Variants in PARD3B observed in about 807,000 individuals in gnomAD.
PARD3B encodes the protein par-3 family cell polarity regulator beta.
PARD3B carries 103 observed loss-of-function variants against 130.2 expected under a neutral mutation model. That is an observed-to-expected ratio of 0.79 (90% CI 0.67 to 0.93). The LOEUF (loss-of-function observed/expected upper bound fraction) is 0.93. Ranked by LOEUF, PARD3B falls within the 40% of genes least tolerant of loss-of-function variation. PARD3B has a pLI of 0.00. For missense variants in PARD3B, 1,609 were observed against 1,499.2 expected (o/e 1.07, Z -1.21); for synonymous variants, 583 against 553.2 (o/e 1.05, Z -0.76).
At chr2:204,590,905 C>T (rs1374658819) in intron 1 of PARD3B, among the ~76,000 whole-genome samples, 1 of 152,102 alleles carries the variant, frequency 6.6e-6, no homozygotes, top group Non-Finnish European at 1.5e-5. Flanking sequence ...GTATATACAA[C>T]ATAGATAGGG....
intron 15 of PARD3B, among the ~76,000 whole-genome samples, chr2:205,201,300 C>CATCA (rs749685786): frequency 1.3e-5 from 2 of 148,418 alleles, no homozygotes; most frequent in African/African-American, 2.5e-5. Context: ...TCAGAAGATA[C>CATCA]ATCACATTTA....
intron 16 of PARD3B, among the ~76,000 whole-genome samples, chr2:205,297,552 AG>A (rs1176433833): frequency 6.6e-6 from 1 of 152,136 alleles, no homozygotes; most frequent in Non-Finnish European, 1.5e-5. Context: ...CTTCTGTAGG[AG>A]CCCTCAAACA....
rs528663272 is a variant in PARD3B, at chr2:205,399,602, G to A, written c.2631-1411G>A. On this transcript the variant is annotated intron_variant, in intron 18 of 22. Coordinates refer to ENST00000406610, the MANE Select transcript of PARD3B (RefSeq NM_001302769.2). The stretch of plus-strand genomic sequence containing the variant: ...ACTCCTGACCTCAGGTGATCCACCT[G>A]CCTTGGCCTCCCAAAGTGCTGGGAT... Among the ~76,000 whole-genome samples, 5 of 152,226 alleles carry A rather than the reference G, an allele frequency of 3.3e-5. No individual in the cohort carries two copies. In the South Asian group the frequency reaches 1.0e-3, roughly 32 times the overall value.
intron 18 of PARD3B, among the ~76,000 whole-genome samples, chr2:205,370,868 ACTGT>A (rs753275430): frequency 6.6e-6 from 1 of 152,052 alleles, no homozygotes; most frequent in Non-Finnish European, 1.5e-5. Flanking sequence ...ACAGCTGTCA[ACTGT>A]CTGTGTGTGG....
At chr2:205,285,514 A>G (rs2041360003) in intron 16 of PARD3B, among the ~76,000 whole-genome samples, 1 of 152,146 alleles carries the variant, frequency 6.6e-6, no homozygotes, top group Admixed American at 6.5e-5. Flanking sequence ...AAACCTGTTT[A>G]TCTGGCCACT....
chr2:204,825,076 GCAAA>G (rs1336660186), intron 2 of PARD3B, among the ~76,000 whole-genome samples: 2 of 152,156 alleles, frequency 1.3e-5, no homozygotes, highest in East Asian at 3.9e-4. Flanking sequence ...AATTAGAGAA[GCAAA>G]CAGTCATTGT....
rs1337937860 is a variant in PARD3B at position 205,405,171 on chromosome 2, T to G, written c.2741+4048T>G. On this transcript the variant is annotated intron_variant, in intron 19 of 22. Transcript: ENST00000406610. The surrounding 1 kb of genome is among the most constrained non-coding windows in gnomAD (Gnocchi z 4.1). Reference sequence around the variant, plus strand: ...GGGTTACTAGATTAGATTAGAGGAATGCAGAGTCTAGAACAGTGGTTCTCA... The same window carrying G: ...GGGTTACTAGATTAGATTAGAGGAAGGCAGAGTCTAGAACAGTGGTTCTCA... 6.6e-6 allele frequency among the ~76,000 whole-genome samples: 1 copy of G among 152,192 alleles called. No homozygotes were observed. The highest frequency in any genetic ancestry group is 1.9e-4 in the East Asian group (1 of 5,198).
intron 3 of PARD3B, among the ~76,000 whole-genome samples, chr2:204,997,043 G>A (rs1694276620): frequency 6.6e-6 from 1 of 152,136 alleles, no homozygotes; most frequent in Non-Finnish European, 1.5e-5. Context: ...CCCGTCTTCT[G>A]CGTCGCTCAC....
At chr2:205,357,412 A>T (rs12470079) in intron 18 of PARD3B, among the ~76,000 whole-genome samples, 1 of 151,990 alleles carries the variant, frequency 6.6e-6, no homozygotes, top group Admixed American at 6.5e-5. Flanking sequence ...CTGGCTTAGA[A>T]ACATTAAGAA....
At chr2:205,511,828 C>T (rs116476483) in intron 21 of PARD3B, among the ~76,000 whole-genome samples, 117 of 152,280 alleles carry the variant, frequency 7.7e-4, no homozygotes, top group African/African-American at 2.7e-3. Flanking sequence ...GTGTTCAGAT[C>T]CTGTGGCCTG....
intron 2 of PARD3B, among the ~76,000 whole-genome samples, chr2:204,891,567 A>G (rs752639576): frequency 3.9e-5 from 6 of 152,120 alleles, no homozygotes; most frequent in Non-Finnish European, 7.3e-5. Flanking sequence ...TAATGCAAAT[A>G]TTTTCACTGG....
At chr2:204,810,556 A>G (rs906154660) in intron 2 of PARD3B, among the ~76,000 whole-genome samples, 9 of 151,770 alleles carry the variant, frequency 5.9e-5, no homozygotes, top group African/African-American at 7.3e-5. Flanking sequence ...TTCTGCATCT[A>G]TTTTCTGCAT....
At chr2:204,991,453 C>A (rs1280767676) in intron 3 of PARD3B, among the ~76,000 whole-genome samples, 1 of 142,128 alleles carries the variant, frequency 7.0e-6, no homozygotes, top group Non-Finnish European at 1.5e-5. Flanking sequence ...ATATGTGCCA[C>A]ATTTTCTTAA....
Position 204,712,613 on chromosome 2 carries a change from C to CAA in PARD3B, c.222+26343_222+26344dup, listed in dbSNP as rs1253142601. 3.1e-3 allele frequency among the ~76,000 whole-genome samples: 146 copies of CAA among 46,718 alleles called. 6 individuals are homozygous for CAA. Among genetic ancestry groups the CAA allele is most frequent in the Non-Finnish European group, 2.9e-3 (60 of 20,564 alleles). 30.6% of individuals were successfully genotyped at this position (46,718 alleles called of 152,430 possible). A position where few individuals can be genotyped will look rare whatever the true frequency, so the allele number is the denominator to read the frequency against. On this transcript the variant is annotated intron_variant, in intron 2 of 22. Coordinates refer to ENST00000406610, the MANE Select transcript of PARD3B (RefSeq NM_001302769.2). ...TGGGTGACAGAGCAAGACCCCATCT[C>CAA]AAAAAAAAAAAAACAAAAAAAAAAG...
At chr2:204,595,857 A>G (rs2033264905) in intron 1 of PARD3B, among the ~76,000 whole-genome samples, 2 of 152,348 alleles carry the variant, frequency 1.3e-5, no homozygotes, top group South Asian at 2.1e-4. Flanking sequence ...AGAGCATGCT[A>G]TGCTATTGGG....
rs898581971 is a variant in PARD3B at position 204,610,740 on chromosome 2, C to T, written c.120+64621C>T. Reference sequence around the variant, plus strand: ...TTCTCTCTCTAGATAGAAGGAGAAACATCATCTCCCCACCTCTGAGCACCC... The same window carrying T: ...TTCTCTCTCTAGATAGAAGGAGAAATATCATCTCCCCACCTCTGAGCACCC... On this transcript the variant is annotated intron_variant, in intron 1 of 22. Coordinates refer to ENST00000406610, the MANE Select transcript of PARD3B (RefSeq NM_001302769.2). The surrounding 1 kb of genome is among the most constrained non-coding windows in gnomAD (Gnocchi z 4.1). Among the ~76,000 whole-genome samples the T allele has an allele frequency of 1.3e-5, 2 of 152,180 alleles. No homozygotes were observed. Among genetic ancestry groups the T allele is most frequent in the African/African-American group, 4.8e-5 (2 of 41,438 alleles).
intron 1 of PARD3B, among the ~76,000 whole-genome samples, chr2:204,602,751 T>C (rs975524323): frequency 6.6e-6 from 1 of 152,060 alleles, no homozygotes; most frequent in African/African-American, 2.4e-5. Flanking sequence ...ATACCTCTTA[T>C]CATGGTTAGA....
chr2:205,165,814 T>C (rs2034781415), intron 11 of PARD3B, among the ~76,000 whole-genome samples: 1 of 152,082 alleles, frequency 6.6e-6, no homozygotes, highest in Non-Finnish European at 1.5e-5. Context: ...TGGGACTTCA[T>C]TGGTTTGTTA....
At chr2:205,038,003 A>G (rs1268217991) in intron 3 of PARD3B, among the ~76,000 whole-genome samples, 1 of 152,124 alleles carries the variant, frequency 6.6e-6, no homozygotes. Flanking sequence ...GATTGTTTAT[A>G]ATTATTGGGA....
Sources: allele counts gnomAD v4.1 joint callset (sites outside exome capture counted in the v4.1 genomes callset), GRCh38; gene constraint gnomAD v4.1.1; non-coding constraint Gnocchi (gnomAD v3.1); transcripts MANE v1.5; gene names NCBI Gene and HGNC (gene_info 2026-07-23, HGNC 2026-07-21).